The following FOXN3 variants were observed in gnomAD, a reference collection of about 807,000 sequenced individuals.
The protein encoded by FOXN3 is forkhead box protein N3.
In FOXN3, 7 loss-of-function variants were observed where a neutral mutation model predicts 38.4. The ratio of observed to expected loss-of-function variants is 0.18; its 90% CI spans 0.10 to 0.34. The LOEUF (loss-of-function observed/expected upper bound fraction) is 0.34. FOXN3 is among the 10% of genes least tolerant of loss of function. FOXN3 has a pLI of 1.00. For missense variants in FOXN3, 456 were observed against 613.4 expected, an observed-to-expected ratio of 0.74 and a Z score of 2.71; for synonymous variants, 230 against 242.2, an observed-to-expected ratio of 0.95 and a Z score of 0.47.
At chr14:89,570,540 T>C (rs181999678) in intron 1 of FOXN3, among the ~76,000 whole-genome samples, 2 of 152,140 alleles carry the variant, frequency 1.3e-5, no homozygotes, top group South Asian at 2.1e-4. Flanking sequence ...GCTAAGGCCA[T>C]AAAGCCATGG....
intron 3 of FOXN3, chr14:89,290,699 G>A: frequency 2.6e-6 from 1 of 386,048 alleles, no homozygotes; most frequent in South Asian, 2.2e-5. Flanking sequence ...GACTTGGAAT[G>A]TAGCTTCTGT....
At chr14:89,185,694 T>C (rs951808771) in intron 4 of FOXN3, 2 of 152,188 alleles carry the variant, frequency 1.3e-5, no homozygotes, top group African/African-American at 4.8e-5. Flanking sequence ...ATTTATCTTT[T>C]AGATGAGAGA....
At chr14:89,426,392 A>AT (rs11462466) in intron 1 of FOXN3, among the ~76,000 whole-genome samples, 96,102 of 150,588 alleles carry the variant, frequency 0.64, 31,117 homozygotes, top group Non-Finnish European at 0.67. Context: ...CGCCCAGCTA[A>AT]TTTTTTGTAT....
chr14:89,399,720 CT>C (rs1419560618), intron 2 of FOXN3, among the ~76,000 whole-genome samples: 1 of 152,180 alleles, frequency 6.6e-6, no homozygotes, highest in African/African-American at 2.4e-5. Flanking sequence ...GGGCTGCGAT[CT>C]CTTTTAAAGC....
chr14:89,513,150 GAAAAAAAAA>G (rs36003791), intron 1 of FOXN3, among the ~76,000 whole-genome samples: 15 of 102,082 alleles, frequency 1.5e-4, no homozygotes, highest in African/African-American at 5.1e-4. Flanking sequence ...TCCATCTCAG[GAAAAAAAAA>G]AAAAAAAAAA....
chr14:89,310,437 G>A (rs1388047100), intron 3 of FOXN3, among the ~76,000 whole-genome samples: 1 of 152,146 alleles, frequency 6.6e-6, no homozygotes, highest in Non-Finnish European at 1.5e-5. Flanking sequence ...ACCTACTCCT[G>A]GACTTTCCAG....
At chr14:89,469,845 G>T (rs145430865) in intron 1 of FOXN3, among the ~76,000 whole-genome samples, 1 of 152,354 alleles carries the variant, frequency 6.6e-6, no homozygotes, top group East Asian at 1.9e-4. Flanking sequence ...GTACACGTCC[G>T]TGCTTTGAAA....
chr14:89,290,933 C>A, intron 3 of FOXN3: 1 of 314,002 alleles, frequency 3.2e-6, no homozygotes, highest in South Asian at 3.0e-5. Flanking sequence ...GGAGAAAGGT[C>A]AGGCCCTCAG....
chr14:89,340,401 A>G (rs1030280554), intron 3 of FOXN3, among the ~76,000 whole-genome samples: 31 of 152,146 alleles, frequency 2.0e-4, no homozygotes, highest in Non-Finnish European at 4.6e-4. Flanking sequence ...AATGTGTCTC[A>G]ATGGTTTATG....
chr14:89,465,661 C>T (rs934702194), intron 1 of FOXN3, among the ~76,000 whole-genome samples: 3 of 152,224 alleles, frequency 2.0e-5, no homozygotes, highest in African/African-American at 7.2e-5. Flanking sequence ...TTCAGAGTTG[C>T]AAAGAATGTG....
intron 4 of FOXN3, among the ~76,000 whole-genome samples, chr14:89,201,337 G>A (rs1223188351): frequency 2.6e-5 from 4 of 152,190 alleles, no homozygotes; most frequent in South Asian, 2.1e-4. Context: ...GGGAGGAGAG[G>A]GCGATTAATG....
Position 89,506,441 on chromosome 14 carries a change from G to A in FOXN3, c.-14-93951C>T, listed in dbSNP as rs528129084. 2.2e-4 allele frequency among the ~76,000 whole-genome samples: 32 copies of A among 146,454 alleles called. No individual in the cohort carries two copies. In the South Asian group the frequency reaches 6.4e-3, roughly 29 times the overall value. ...CTCTGCCTGGCCAGCTGCCCCGACCGGGAGGGAGGTTGGGGGGGTCAGCCC... is the reference window on the plus strand; with the variant it reads ...CTCTGCCTGGCCAGCTGCCCCGACCAGGAGGGAGGTTGGGGGGGTCAGCCC... On this transcript the variant is annotated intron_variant, in intron 1 of 6. Coordinates refer to the FOXN3 transcript ENST00000345097.
At chr14:89,348,521 A>G (rs1888839919) in intron 3 of FOXN3, among the ~76,000 whole-genome samples, 1 of 152,216 alleles carries the variant, frequency 6.6e-6, no homozygotes. Context: ...AGTCCCCAGG[A>G]AAGAGAAAGT....
intron 4 of FOXN3, among the ~76,000 whole-genome samples, chr14:89,273,012 A>AC (rs1485886587): frequency 6.6e-5 from 10 of 152,112 alleles, no homozygotes; most frequent in Middle Eastern, 3.2e-3. Context: ...GAAACTCTGC[A>AC]CCTTTCATTT....
intron 1 of FOXN3, among the ~76,000 whole-genome samples, chr14:89,564,702 A>G (rs1176441669): frequency 6.6e-6 from 1 of 152,176 alleles, no homozygotes; most frequent in Non-Finnish European, 1.5e-5. Flanking sequence ...GAACCTCAGA[A>G]TGTGACCTTA....
chr14:89,232,106 T>C (rs1440225465), intron 4 of FOXN3, among the ~76,000 whole-genome samples: 6 of 152,308 alleles, frequency 3.9e-5, no homozygotes, highest in African/African-American at 1.4e-4. Flanking sequence ...AGCTGCCTCA[T>C]GGCGGATGTA....
chr14:89,238,232 C>T (rs1328920600), intron 4 of FOXN3, among the ~76,000 whole-genome samples: 5 of 152,180 alleles, frequency 3.3e-5, no homozygotes, highest in Non-Finnish European at 5.9e-5. Context: ...TGAGGCACTG[C>T]GGCTTCAGGC....
chr14:89,557,851 C>CA (rs1566699143), intron 1 of FOXN3, among the ~76,000 whole-genome samples: 1 of 151,936 alleles, frequency 6.6e-6, no homozygotes, highest in African/African-American at 2.4e-5. Flanking sequence ...AGTAAAAATA[C>CA]AAAAATTAGC....
intron 5 of FOXN3, among the ~76,000 whole-genome samples, chr14:89,169,902 T>C (rs1047601633): frequency 3.3e-5 from 5 of 152,136 alleles, no homozygotes; most frequent in African/African-American, 1.2e-4. Context: ...AAAATGTCAA[T>C]AAAAATGCGC....
Sources: gnomAD v4.1 joint callset for allele counts (sites outside exome capture counted in the v4.1 genomes callset) on GRCh38, gnomAD v4.1.1 for gene constraint, MANE v1.5 for transcripts, NCBI Gene and HGNC (gene_info 2026-07-23, HGNC 2026-07-21) for gene names.